PDE4DIP: variants seen among roughly 807,000 people sequenced by gnomAD.
PDE4DIP encodes the protein myomegalin.
A neutral mutation model predicts 221.4 loss-of-function variants in PDE4DIP; 59 were observed. That is an observed-to-expected ratio of 0.27 (90% CI 0.22 to 0.33). The LOEUF (loss-of-function observed/expected upper bound fraction) is 0.33, where lower values mean the gene tolerates loss of function less well. PDE4DIP is among the 10% of genes least tolerant of loss of function. The probability of loss-of-function intolerance (pLI) is 1.00; values close to 1 mark genes in which losing one functional copy is unlikely to be tolerated. For synonymous variants in PDE4DIP, 404 were observed against 815.9 expected, an observed-to-expected ratio of 0.50 and a Z score of 8.60; for missense variants, 1,036 against 2,154.2, an observed-to-expected ratio of 0.48 and a Z score of 10.28.
chr1:148,946,122 C>T (rs1308117060), intron 5 of PDE4DIP, among the ~76,000 whole-genome samples: 1 of 152,194 alleles, frequency 6.6e-6, no homozygotes, highest in Non-Finnish European at 1.5e-5. Flanking sequence ...ACATCTGGCT[C>T]AATCTTTGCA....
chr1:148,962,345 T>A (rs1348523886), intron 8 of PDE4DIP, 57 bp downstream of exon 11: 1 of 1,501,314 alleles, frequency 6.7e-7, no homozygotes, highest in African/African-American at 1.4e-5. Context: ...GCCATTTTGG[T>A]TGCAGTCTTG....
rs374840094 is a variant in PDE4DIP, at chr1:148,941,209, T to G, written c.636+3345T>G. On this transcript the variant is annotated intron_variant, in intron 5 of 43. Coordinates refer to ENST00000369354, the Ensembl canonical transcript of PDE4DIP. The stretch of plus-strand genomic sequence containing the variant: ...TGAGGAGACAGAAATACACGCATGG[T>G]GCTAAAGGAACCCACAGCTGAAAGG... Among the ~76,000 whole-genome samples, 335 of 77,430 alleles carry G rather than the reference T, an allele frequency of 4.3e-3. 3 individuals carry two copies. Among genetic ancestry groups the G allele is most frequent in the African/African-American group, 0.019 (317 of 17,046 alleles). The allele number at this position is 77,430 out of a possible 152,430, so 50.8% of individuals were successfully genotyped here. A position where few individuals can be genotyped will look rare whatever the true frequency, so the allele number is the denominator to read the frequency against.
intron 1 of PDE4DIP, among the ~76,000 whole-genome samples, chr1:148,815,332 C>G (rs1242075157): frequency 4.2e-5 from 6 of 142,210 alleles, no homozygotes; most frequent in Non-Finnish European, 9.3e-5. Flanking sequence ...ACGCAGATCA[C>G]GAGGTCAGGA....
chr1:148,919,276 T>A (rs1319124203), intron 1 of PDE4DIP, among the ~76,000 whole-genome samples: 1 of 151,434 alleles, frequency 6.6e-6, no homozygotes, highest in Non-Finnish European at 1.5e-5. Context: ...ATCATTCTTA[T>A]GGGCAAGAAG....
chr1:148,865,157 C>T (rs1457661986), intron 2 of PDE4DIP, among the ~76,000 whole-genome samples: 14 of 139,608 alleles, frequency 1.0e-4, no homozygotes, highest in South Asian at 6.6e-4. Flanking sequence ...GGTGCCGTCT[C>T]GGCTCACTGC....
chr1:149,017,887 A>T lies in PDE4DIP; in HGVS notation c.5650+8A>T. ...CTACTGCTCGTGGAAGGGGTAGGAG[A>T]GGCCCAGACCTTCCTGTTTCTGGCT... is the stretch of plus-strand genomic sequence containing the variant. On this transcript the variant is annotated splice_region_variant and intron_variant, in intron 34 of 43. Coordinates refer to ENST00000369354, the Ensembl canonical transcript of PDE4DIP. 6.2e-7 allele frequency: 1 copy of T among 1,600,130 alleles called. No individual in the cohort carries two copies. The highest frequency in any genetic ancestry group is 8.6e-7 in the Non-Finnish European group (1 of 1,169,474).
intron 5 of PDE4DIP, among the ~76,000 whole-genome samples, chr1:148,948,757 T>C (rs1574042402): frequency 6.6e-6 from 1 of 151,602 alleles, no homozygotes; most frequent in East Asian, 1.9e-4. Context: ...TACACCTATG[T>C]TATCTTCATC....
rs72506227 is a variant in PDE4DIP at position 148,890,456 on chromosome 1, TAAA to T, written c.141+573_141+575del. Among the ~76,000 whole-genome samples, 16 of 109,382 alleles carry T rather than the reference TAAA, an allele frequency of 1.5e-4. No individual in the cohort carries two copies. In the South Asian group the frequency reaches 4.8e-3, roughly 33 times the overall value. The allele number at this position is 109,382 out of a possible 152,430, so 71.8% of individuals were successfully genotyped here. ...GCACAGGACACCAGGCCCAGATAAT[TAAA>T]AAAAAAAAAATTGGCAGGGCACAGT... On this transcript the variant is annotated intron_variant, in intron 1 of 43. Transcript: ENST00000369354.
At chr1:148,844,636 C>T (rs1359409695) in intron 1 of PDE4DIP, 4 of 55,542 alleles carry the variant, frequency 7.2e-5, no homozygotes, top group African/African-American at 2.5e-4. Flanking sequence ...CTCTCTTCGC[C>T]GCCGACGCAG....
chr1:149,031,917 T>C, intron 43 of PDE4DIP, 27 bp from the exon 47 acceptor site: 1 of 1,589,730 alleles, frequency 6.3e-7, no homozygotes, highest in Non-Finnish European at 8.6e-7. Flanking sequence ...TATACACTGA[T>C]TTGGTTTGTT....
intron 9 of PDE4DIP, among the ~76,000 whole-genome samples, chr1:148,963,008 T>A (rs2057302833): frequency 6.6e-6 from 1 of 152,150 alleles, no homozygotes; most frequent in Non-Finnish European, 1.5e-5. Flanking sequence ...TTCTCCCACT[T>A]CAGCCTCCAG....
At chr1:149,024,767 T>G in intron 38 of PDE4DIP, 83 bp downstream of exon 41, 1 of 576,048 alleles carries the variant, frequency 1.7e-6, no homozygotes, top group Non-Finnish European at 3.1e-6. Context: ...GTAATCTGCC[T>G]GGTCCATGCT....
At chr1:148,980,170 G>C (rs782743751) in intron 20 of PDE4DIP, among the ~76,000 whole-genome samples, 13 of 152,178 alleles carry the variant, frequency 8.5e-5, no homozygotes, top group Non-Finnish European at 1.6e-4. Context: ...TCTTTTCTGT[G>C]ATCCATGTCC....
chr1:148,955,993 A>G (rs2055196446), intron 5 of PDE4DIP, among the ~76,000 whole-genome samples: 1 of 152,144 alleles, frequency 6.6e-6, no homozygotes. Flanking sequence ...ACATGTTTGT[A>G]AATAAAATGG....
chr1:148,865,197 T>G (rs1259810707), intron 2 of PDE4DIP, among the ~76,000 whole-genome samples: 1 of 135,038 alleles, frequency 7.4e-6, no homozygotes, highest in African/African-American at 3.0e-5. Context: ...CAAGCAATTC[T>G]CCTGCCTCAG....
At chr1:148,985,806 G>A (rs2061813814) in intron 21 of PDE4DIP, 1 of 152,034 alleles carries the variant, frequency 6.6e-6, no homozygotes, top group Non-Finnish European at 1.5e-5. Flanking sequence ...AGAAAGTTCA[G>A]CAACATCAGA....
chr1:148,893,247 CA>C (rs1553439026), intron 1 of PDE4DIP, among the ~76,000 whole-genome samples: 2 of 131,464 alleles, frequency 1.5e-5, no homozygotes, highest in Non-Finnish European at 3.2e-5. Flanking sequence ...CCACCACACC[CA>C]ACCACAGTTC....
chr1:149,000,533 G>A lies in PDE4DIP; in HGVS notation c.3138-1058G>A, dbSNP rs587688783. Reference sequence around the variant, plus strand: ...CTCACCACTGCACTCCAGCCTGGGTGACAGAGTGAGACTCTGTCTCAAAAA... The same window carrying A: ...CTCACCACTGCACTCCAGCCTGGGTAACAGAGTGAGACTCTGTCTCAAAAA... On this transcript the variant is annotated intron_variant, in intron 23 of 43. Coordinates refer to ENST00000369354, the Ensembl canonical transcript of PDE4DIP. 1.0e-3 allele frequency among the ~76,000 whole-genome samples: 150 copies of A among 150,592 alleles called. 4 individuals are homozygous for A. In the South Asian group the frequency reaches 0.03, roughly 30 times the overall value.
intron 13 of PDE4DIP, 144 bp downstream of exon 16, chr1:148,968,049 AT>A (rs1200558941): frequency 1.9e-3 from 785 of 419,098 alleles, no homozygotes; most frequent in South Asian, 3.4e-3. Flanking sequence ...TTTCACTGGG[AT>A]TTTTTTTTTC....
Sources: gnomAD v4.1 joint callset for allele counts (sites outside exome capture counted in the v4.1 genomes callset) on GRCh38, gnomAD v4.1.1 for gene constraint, MANE v1.5 for transcripts, NCBI Gene and HGNC (gene_info 2026-07-23, HGNC 2026-07-21) for gene names.